The following SLC23A2 variants were observed in gnomAD, a reference collection of about 807,000 sequenced individuals.
SLC23A2 encodes the protein Na(+)/L-ascorbic acid transporter 2.
SLC23A2 carries 36 observed loss-of-function variants against 73.3 expected under a neutral mutation model. That is an observed-to-expected ratio of 0.49 (90% confidence interval 0.38 to 0.65). The LOEUF (loss-of-function observed/expected upper bound fraction) is 0.65, where lower values mean the gene tolerates loss of function less well. SLC23A2 is among the 30% of genes least tolerant of loss of function. The probability of loss-of-function intolerance (pLI) is 0.00; values close to 1 mark genes in which losing one functional copy is unlikely to be tolerated. For synonymous variants in SLC23A2, 343 were observed against 327.3 expected (o/e 1.05, Z -0.52); for missense variants, 507 against 841.6 (o/e 0.60, Z 4.92).
intron 1 of SLC23A2, among the ~76,000 whole-genome samples, chr20:4,983,986 G>C (rs1238290743): frequency 6.6e-6 from 1 of 151,354 alleles, no homozygotes; most frequent in East Asian, 1.9e-4. Context: ...CAGCAAGAAA[G>C]TGAAAAAGAA....
At chr20:4,956,645 T>C (rs1238091399) in intron 2 of SLC23A2, among the ~76,000 whole-genome samples, 3 of 152,084 alleles carry the variant, frequency 2.0e-5, no homozygotes, top group Non-Finnish European at 4.4e-5. Flanking sequence ...CGATTAGTAA[T>C]TCAACTAATA....
At chr20:5,003,257 G>A (rs935431521), upstream of SLC23A2, among the ~76,000 whole-genome samples, 3 of 151,992 alleles carry the variant, frequency 2.0e-5, no homozygotes, top group African/African-American at 7.2e-5. Flanking sequence ...GGTGGCGGGC[G>A]CCTGTAGTCC....
chr20:4,859,247 AAAAT>A lies in SLC23A2; in HGVS notation c.1720+38_1720+41del, dbSNP rs780905659. On this transcript the variant is annotated intron_variant, in intron 16 of 16. Coordinates refer to ENST00000338244, the MANE Select transcript of SLC23A2 (RefSeq NM_005116.6). ...GCAAAAAAAGTAACACATATGTTAA[AAAAT>A]AAAAAAAAAAAAAGTGTGTTTGATA... is the stretch of plus-strand genomic sequence containing the variant. 154 of 1,251,216 alleles carry A rather than the reference AAAAT, an allele frequency of 1.2e-4. 6 individuals carry two copies. Among genetic ancestry groups the A allele is most frequent in the African/African-American group, 8.3e-4 (51 of 61,458 alleles). The allele number at this position is 1,251,216 out of a possible 1,614,324, so 77.5% of individuals were successfully genotyped here. A position where few individuals can be genotyped will look rare whatever the true frequency, so the allele number is the denominator to read the frequency against.
At chr20:4,903,904 T>C (rs563596460) in intron 4 of SLC23A2, among the ~76,000 whole-genome samples, 6 of 152,290 alleles carry the variant, frequency 3.9e-5, no homozygotes, top group African/African-American at 1.4e-4. Flanking sequence ...ACTCAGCAGG[T>C]CTGGGTTGTC....
chr20:4,952,619 A>G (rs1040240324), intron 2 of SLC23A2, among the ~76,000 whole-genome samples: 3 of 152,242 alleles, frequency 2.0e-5, no homozygotes, highest in African/African-American at 7.2e-5. Context: ...ACTGCTAAGC[A>G]TGGATGCTAA....
intron 1 of SLC23A2, among the ~76,000 whole-genome samples, chr20:4,985,690 C>A (rs1176898329): frequency 6.6e-6 from 1 of 152,088 alleles, no homozygotes; most frequent in Non-Finnish European, 1.5e-5. Flanking sequence ...TCAGGTGATC[C>A]CCCCACCTTG....
chr20:4,983,823 G>A (rs1322842868), intron 1 of SLC23A2, among the ~76,000 whole-genome samples: 1 of 151,396 alleles, frequency 6.6e-6, no homozygotes, highest in Non-Finnish European at 1.5e-5. Flanking sequence ...AGGCGTGGTG[G>A]TGCATGCCTG....
intron 2 of SLC23A2, among the ~76,000 whole-genome samples, chr20:4,967,805 T>C (rs2087497284): frequency 6.6e-6 from 1 of 152,168 alleles, no homozygotes. Context: ...AATGCTAAAA[T>C]ACCCTTCAAC....
chr20:4,947,233 C>A lies in SLC23A2; in HGVS notation c.-154-14517G>T, dbSNP rs1021346621. Among the ~76,000 whole-genome samples, 2 of 152,130 alleles carry A rather than the reference C, an allele frequency of 1.3e-5. No individual in the cohort carries two copies. The highest frequency in any genetic ancestry group is 4.8e-5 in the African/African-American group (2 of 41,426). The stretch of plus-strand genomic sequence containing the variant: ...CCAATGCATAAAAGGCATTCAAATA[C>A]TTGGGGAAATCCCTGACTCGTTCAG... On this transcript the variant is annotated intron_variant, in intron 2 of 16. Transcript: ENST00000338244. This position sits in a 1 kb window ranked among gnomAD's most constrained non-coding sequence, Gnocchi z 4.4.
intron 3 of SLC23A2, among the ~76,000 whole-genome samples, chr20:4,921,961 G>A (rs1932511602): frequency 6.6e-6 from 1 of 152,154 alleles, no homozygotes; most frequent in African/African-American, 2.4e-5. Context: ...AGAGGGTGGG[G>A]AATGTGACAA....
intron 2 of SLC23A2, among the ~76,000 whole-genome samples, chr20:4,946,643 T>A (rs981189939): frequency 1.3e-5 from 2 of 152,184 alleles, no homozygotes; most frequent in Non-Finnish European, 2.9e-5. Context: ...CAAGCTCTAG[T>A]CCCAAATGCA....
At chr20:4,949,590 A>G (rs2087168010) in intron 2 of SLC23A2, among the ~76,000 whole-genome samples, 1 of 152,156 alleles carries the variant, frequency 6.6e-6, no homozygotes, top group African/African-American at 2.4e-5. Flanking sequence ...GAGATTTTCT[A>G]GTAATGCAGC....
chr20:4,883,025 T>A lies in SLC23A2; in HGVS notation c.824+617A>T, dbSNP rs928112750. On this transcript the variant is annotated intron_variant, in intron 9 of 16. Coordinates refer to ENST00000338244, the MANE Select transcript of SLC23A2 (RefSeq NM_005116.6). This position sits in a 1 kb window ranked among gnomAD's most constrained non-coding sequence, Gnocchi z 4.5. ...CATCAGTAATATTATCAAACTCCCC[T>A]GTGACTTCATTAACACAAAATGTTA... 2.0e-5 allele frequency among the ~76,000 whole-genome samples: 3 copies of A among 152,112 alleles called. No homozygotes were observed. Among genetic ancestry groups the A allele is most frequent in the African/African-American group, 7.3e-5 (3 of 41,378 alleles).
chr20:4,892,927 A>C (rs907396903), intron 6 of SLC23A2, among the ~76,000 whole-genome samples: 1 of 152,140 alleles, frequency 6.6e-6, no homozygotes, highest in Non-Finnish European at 1.5e-5. Flanking sequence ...TGGGAAGTTA[A>C]ATACGAACTG....
At chr20:4,983,306 C>G (rs2087755813) in intron 1 of SLC23A2, among the ~76,000 whole-genome samples, 1 of 152,030 alleles carries the variant, frequency 6.6e-6, no homozygotes, top group Non-Finnish European at 1.5e-5. Context: ...AAAAGAAAAA[C>G]AGACACATAG....
At chr20:4,955,650 G>A (rs2087275495) in intron 2 of SLC23A2, among the ~76,000 whole-genome samples, 1 of 152,042 alleles carries the variant, frequency 6.6e-6, no homozygotes, top group African/African-American at 2.4e-5. Flanking sequence ...AATTAGCCGG[G>A]TATGGGGGCA....
At chr20:4,942,374 C>CAAAAAAAAAAAAAAAA (rs1216270773) in intron 2 of SLC23A2, among the ~76,000 whole-genome samples, 1 of 47,384 alleles carries the variant, frequency 2.1e-5, no homozygotes, top group African/African-American at 6.8e-5. Flanking sequence ...GCTACAGTCT[C>CAAAAAAAAAAAAAAAA]AAAAAAAAAA....
intron 1 of SLC23A2, among the ~76,000 whole-genome samples, chr20:4,996,401 G>A (rs1187058601): frequency 1.3e-5 from 2 of 152,054 alleles, no homozygotes; most frequent in African/African-American, 2.4e-5. Flanking sequence ...CAAAACTCAT[G>A]AGTGGGCCAG....
chr20:4,981,968 TG>T (rs1347146536), intron 1 of SLC23A2, among the ~76,000 whole-genome samples: 1 of 151,908 alleles, frequency 6.6e-6, no homozygotes, highest in Non-Finnish European at 1.5e-5. Flanking sequence ...CCCAAAGTGC[TG>T]GGATTACAGG....
Sources: gnomAD v4.1 joint callset for allele counts (sites outside exome capture counted in the v4.1 genomes callset) on GRCh38, gnomAD v4.1.1 for gene constraint, Gnocchi (gnomAD v3.1) non-coding constraint, MANE v1.5 for transcripts, NCBI Gene and HGNC (gene_info 2026-07-23, HGNC 2026-07-21) for gene names.